The following TBC1D19 variants were observed in gnomAD, a reference collection of about 807,000 sequenced individuals.
TBC1D19 encodes TBC1 domain family member 19, also known as TBC1 domain family, member 19.
In TBC1D19, 60 loss-of-function variants were observed where a neutral mutation model predicts 89.0. The observed-to-expected ratio is 0.67, with a 90% CI of 0.55 to 0.84. The LOEUF (loss-of-function observed/expected upper bound fraction) is 0.84, where lower values mean the gene tolerates loss of function less well. Among genes scored for constraint, TBC1D19 ranks in the 40% least tolerant of loss-of-function variants. The pLI is 0.00. For synonymous variants in TBC1D19, 189 were observed against 199.7 expected (o/e 0.95, Z 0.45); for missense variants, 500 against 610.8 (o/e 0.82, Z 1.91).
upstream of TBC1D19, among the ~76,000 whole-genome samples, chr4:26,579,907 T>C (rs966776076): frequency 1.3e-5 from 2 of 152,096 alleles, no homozygotes; most frequent in Admixed American, 6.6e-5. Flanking sequence ...GGAGGGAAAG[T>C]CAATACGCTA....
At chr4:26,774,360 G>A in the TBC1D19 span, among the ~76,000 whole-genome samples, 1,024 of 152,342 alleles carry the variant, frequency 6.7e-3, 11 homozygotes, top group African/African-American at 0.024. Flanking sequence ...GATTATAGAA[G>A]CAGTTTGTCA....
intron 1 of TBC1D19, among the ~76,000 whole-genome samples, chr4:26,602,014 G>GGACAATAAAAACAGA: frequency 6.6e-6 from 1 of 152,038 alleles, no homozygotes; most frequent in East Asian, 1.9e-4. Flanking sequence ...CTTGCTTACT[G>GGACAATAAAAACAGA]GACAATAAAA....
chr4:26,744,297 T>C (rs1718526267), intron 18 of TBC1D19, among the ~76,000 whole-genome samples: 1 of 151,810 alleles, frequency 6.6e-6, no homozygotes, highest in South Asian at 2.1e-4. Flanking sequence ...TGCAGGTTTA[T>C]CAATTTTATT....
chr4:26,735,504 AAAC>A lies in TBC1D19; in HGVS notation c.1117+19_1117+21del. On this transcript the variant is annotated intron_variant, in intron 16 of 20. Transcript: ENST00000264866. ...CAATGTATGGTAAGTTGGGCTTTAA[AAAC>A]ATCATAATGTACACAAAACATACAA... 6.4e-7 allele frequency: 1 copy of A among 1,558,796 alleles called. No homozygotes were observed. Among genetic ancestry groups the A allele is most frequent in the Non-Finnish European group, 8.7e-7 (1 of 1,146,102 alleles).
chr4:26,830,477 C>T, the TBC1D19 span, among the ~76,000 whole-genome samples: 10 of 151,944 alleles, frequency 6.6e-5, no homozygotes, highest in Non-Finnish European at 1.2e-4. Context: ...AGAAGTGGGG[C>T]GGGGCTGGGG....
chr4:26,794,619 G>A, the TBC1D19 span, among the ~76,000 whole-genome samples: 4 of 152,078 alleles, frequency 2.6e-5, no homozygotes, highest in Non-Finnish European at 5.9e-5. Context: ...TTGCCATAGA[G>A]AATATGGAAA....
chr4:26,743,832 A>G (rs903697707), intron 18 of TBC1D19, among the ~76,000 whole-genome samples: 4 of 151,696 alleles, frequency 2.6e-5, no homozygotes, highest in Admixed American at 2.0e-4. Flanking sequence ...ACATTGGAGT[A>G]TAAGTAGGGT....
At chr4:26,843,708 A>G in the TBC1D19 span, among the ~76,000 whole-genome samples, 1 of 152,120 alleles carries the variant, frequency 6.6e-6, no homozygotes, top group Non-Finnish European at 1.5e-5. Flanking sequence ...GTTGCTATAA[A>G]GGTGTACCCT....
intron 14 of TBC1D19, among the ~76,000 whole-genome samples, chr4:26,718,307 C>T (rs201181623): frequency 5.0e-4 from 3 of 5,966 alleles, no homozygotes; most frequent in Non-Finnish European, 7.9e-3. Flanking sequence ...TTTTCTTTTT[C>T]TTTCTAAGTT....
chr4:26,584,444 CAA>C, intron 1 of TBC1D19, 152 bp downstream of exon 1: 1 of 716,566 alleles, frequency 1.4e-6, no homozygotes, highest in Non-Finnish European at 2.3e-6. Flanking sequence ...AAAACAAAAA[CAA>C]AAACAAAAAC....
the TBC1D19 span, among the ~76,000 whole-genome samples, chr4:26,765,492 A>C: frequency 6.6e-6 from 1 of 151,852 alleles, no homozygotes. Flanking sequence ...GGGATGAGAG[A>C]AGTGGGGAGC....
chr4:26,665,594 G>A (rs1198498566), intron 8 of TBC1D19, among the ~76,000 whole-genome samples: 6 of 152,000 alleles, frequency 3.9e-5, no homozygotes, highest in Non-Finnish European at 7.4e-5. Flanking sequence ...CAGAGCACTT[G>A]ATGGTCCAAT....
chr4:26,624,362 A>G (rs573445715), intron 4 of TBC1D19, among the ~76,000 whole-genome samples: 48 of 145,954 alleles, frequency 3.3e-4, no homozygotes, highest in African/African-American at 1.1e-3. Flanking sequence ...GCAATTTATT[A>G]TAGTAATTGC....
intron 1 of TBC1D19, among the ~76,000 whole-genome samples, chr4:26,588,190 T>G (rs1428404337): frequency 6.6e-6 from 1 of 151,894 alleles, no homozygotes; most frequent in Non-Finnish European, 1.5e-5. Flanking sequence ...CACGCCCAGA[T>G]GATTTTTTGT....
At chr4:26,652,559 A>G (rs1002947275) in intron 7 of TBC1D19, among the ~76,000 whole-genome samples, 2 of 152,174 alleles carry the variant, frequency 1.3e-5, no homozygotes, top group Admixed American at 1.3e-4. Flanking sequence ...TTATTGGTCT[A>G]TTCAGAGATT....
chr4:26,752,491 C>G (rs79035756), intron 19 of TBC1D19, among the ~76,000 whole-genome samples: 2,620 of 152,232 alleles, frequency 0.017, 77 homozygotes, highest in African/African-American at 0.06. Context: ...CACAATCCTC[C>G]TGTCTCAGCC....
the TBC1D19 span, among the ~76,000 whole-genome samples, chr4:26,851,307 A>ATCTATCTGTCTGTCTGTCTGTCTG: frequency 3.1e-4 from 14 of 45,462 alleles, no homozygotes; most frequent in African/African-American, 9.0e-4. Context: ...TAAATACCCT[A>ATCTATCTGTCTGTCTGTCTGTCTG]TCTATCTATC....
chr4:26,857,798 G>C, the TBC1D19 span: 1 of 152,402 alleles, frequency 6.6e-6, no homozygotes, highest in African/African-American at 2.4e-5. Flanking sequence ...GGGGAGAAGA[G>C]GGAGATAGGG....
At chr4:26,730,899 G>A (rs1381429546) in intron 15 of TBC1D19, among the ~76,000 whole-genome samples, 1 of 152,222 alleles carries the variant, frequency 6.6e-6, no homozygotes, top group East Asian at 1.9e-4. Context: ...TGTCTTAGGA[G>A]CCTTTGGGCT....
Sources: allele counts gnomAD v4.1 joint callset (sites outside exome capture counted in the v4.1 genomes callset), GRCh38; gene constraint gnomAD v4.1.1; transcripts MANE v1.5; gene names NCBI Gene and HGNC (gene_info 2026-07-23, HGNC 2026-07-21).